GXYLT1: variants seen among roughly 807,000 people sequenced by gnomAD.
GXYLT1 encodes the protein glucoside xylosyltransferase 1, also known as glycosyltransferase 8 domain containing 3.
In GXYLT1, 29 loss-of-function variants were observed where a neutral mutation model predicts 54.0. That is an observed-to-expected ratio of 0.54 (90% CI 0.40 to 0.73). The LOEUF (loss-of-function observed/expected upper bound fraction) is 0.73. GXYLT1 is among the 30% of genes least tolerant of loss of function. The probability of loss-of-function intolerance (pLI) is 0.00; values close to 1 mark genes in which losing one functional copy is unlikely to be tolerated. For missense variants in GXYLT1, 490 were observed against 553.4 expected, an observed-to-expected ratio of 0.89 and a Z score of 1.15; for synonymous variants, 176 against 204.1, an observed-to-expected ratio of 0.86 and a Z score of 1.17.
chr12:42,141,929 T>C (rs1473153441), intron 1 of GXYLT1, among the ~76,000 whole-genome samples: 1 of 152,210 alleles, frequency 6.6e-6, no homozygotes, highest in Admixed American at 6.5e-5. Flanking sequence ...CTTCAAGGAC[T>C]CCAAGTCTTT....
rs1345208493 is a variant in GXYLT1 at position 42,086,016 on chromosome 12, T to A, written c.*1770A>T. The stretch of plus-strand genomic sequence containing the variant: ...CTCCTAGACACAGCATGCCAGAGTC[T>A]CCAAAGGCCTAGCTCAGGAATCTAT... On this transcript the variant is annotated 3_prime_UTR_variant, in exon 8 of 8. Transcript: ENST00000398675. 6.6e-6 allele frequency: 1 copy of A among 151,530 alleles called. No homozygotes were observed. Among genetic ancestry groups the A allele is most frequent in the South Asian group, 2.1e-4 (1 of 4,782 alleles). 9.4% of individuals were successfully genotyped at this position (151,530 alleles called of 1,614,324 possible). A position where few individuals can be genotyped will look rare whatever the true frequency, so the allele number is the denominator to read the frequency against.
At chr12:42,114,063 C>A (rs1047494243) in intron 3 of GXYLT1, among the ~76,000 whole-genome samples, 1 of 152,146 alleles carries the variant, frequency 6.6e-6, no homozygotes, top group Admixed American at 6.6e-5. Flanking sequence ...CAGAAATAAA[C>A]ATGTTCTTTG....
At chr12:42,114,212 T>A (rs930016215) in intron 3 of GXYLT1, among the ~76,000 whole-genome samples, 3 of 151,878 alleles carry the variant, frequency 2.0e-5, no homozygotes, top group Non-Finnish European at 4.4e-5. Flanking sequence ...ACATCACAAT[T>A]AAAAGAGCTA....
chr12:42,107,421 T>C (rs2065427529), intron 4 of GXYLT1, among the ~76,000 whole-genome samples: 1 of 152,220 alleles, frequency 6.6e-6, no homozygotes, highest in East Asian at 1.9e-4. Context: ...CCAGGCATGG[T>C]GGCTCACGCC....
intron 3 of GXYLT1, among the ~76,000 whole-genome samples, chr12:42,117,723 T>C (rs970340187): frequency 1.3e-5 from 2 of 152,230 alleles, no homozygotes; most frequent in African/African-American, 4.8e-5. Context: ...AGTTTTCTTT[T>C]TCTTATATGT....
At chr12:42,102,082 A>C (rs1260310738) in intron 5 of GXYLT1, among the ~76,000 whole-genome samples, 1 of 152,240 alleles carries the variant, frequency 6.6e-6, no homozygotes, top group African/African-American at 2.4e-5. Flanking sequence ...AAAATTTAGC[A>C]AACCTATGAC....
At chr12:42,117,248 T>C (rs942705796) in intron 3 of GXYLT1, among the ~76,000 whole-genome samples, 1 of 151,848 alleles carries the variant, frequency 6.6e-6, no homozygotes, top group African/African-American at 2.4e-5. Flanking sequence ...CTGCACATCA[T>C]GCACATGTAC....
At position 42,144,696 on chromosome 12, in the gene GXYLT1, G is replaced by A. The variant is rs777934965; in HGVS notation, c.-50C>T. ...CCGCCGCCGCCGCGCCCGCCCCGAC[G>A]AACTGGAGCGGAGGGAGGGGCACCG... On this transcript the variant is annotated 5_prime_UTR_variant, in exon 1 of 8. Coordinates refer to ENST00000398675, the MANE Select transcript of GXYLT1 (RefSeq NM_173601.2). 2 of 1,165,950 alleles carry A rather than the reference G, an allele frequency of 1.7e-6. No individual in the cohort carries two copies. Among genetic ancestry groups the A allele is most frequent in the Non-Finnish European group, 2.3e-6 (2 of 870,336 alleles). 72.2% of individuals were successfully genotyped at this position (1,165,950 alleles called of 1,614,324 possible).
At chr12:42,097,224 A>C (rs1737178109) in intron 7 of GXYLT1, among the ~76,000 whole-genome samples, 1 of 152,120 alleles carries the variant, frequency 6.6e-6, no homozygotes, top group Non-Finnish European at 1.5e-5. Flanking sequence ...TGCAACTTAC[A>C]ATCAAATTTA....
In GXYLT1 at chr12:42,102,022, C is replaced by T. The variant is rs118076638; in HGVS notation, c.864+3796G>A. On this transcript the variant is annotated intron_variant, in intron 5 of 7. Coordinates refer to ENST00000398675, the MANE Select transcript of GXYLT1 (RefSeq NM_173601.2). ...TTACTTTTTTGAATCTTTATAAGCA[C>T]AATTTAGTTTCATAACATTTAAAAC... 9.7e-3 allele frequency among the ~76,000 whole-genome samples: 1,474 copies of T among 152,276 alleles called. 7 individuals carry two copies. Among genetic ancestry groups the T allele is most frequent in the Non-Finnish European group, 0.015 (987 of 68,008 alleles).
rs555254165 is a variant in GXYLT1 at position 42,087,931 on chromosome 12, T to A, written c.1178A>T (p.Asp393Val). ...EALRNCSFED[D>V]NIRSLLKPLE... ...AGGTTTTAATAAGGAACGGATGTTG[T>A]CATCTTCAAAAGAACACTAGAGAAA... The change falls in exon 8 of 8, where the codon GAC becomes GTC. Residue 393 changes from aspartate (D) to valine (V), a missense_variant. This residue lies in a region of GXYLT1 where 342 missense variants were observed against 342.6 expected (regional missense o/e 1.00). Coordinates refer to ENST00000398675, the MANE Select transcript of GXYLT1 (RefSeq NM_173601.2). The A allele has an allele frequency of 1.3e-6, 2 of 1,534,858 alleles. No homozygotes were observed. Among genetic ancestry groups the A allele is most frequent in the East Asian group, 2.3e-5 (1 of 42,962 alleles).
In GXYLT1 at chr12:42,087,911, T is replaced by G; in HGVS notation, c.1198A>C (p.Lys400Gln). The change falls in exon 8 of 8, where the codon AAA becomes CAA. Residue 400 changes from lysine (K) to glutamine (Q), a missense_variant. Physicochemically the swap from Lys to Gln is moderately conservative, Grantham distance 53. Coordinates refer to ENST00000398675, the MANE Select transcript of GXYLT1 (RefSeq NM_173601.2). ...TTTTGTAGTTCCAGTTCTAAAGGTTTTAATAAGGAACGGATGTTGTCATCT... is the reference window on the plus strand; with the variant it reads ...TTTTGTAGTTCCAGTTCTAAAGGTTGTAATAAGGAACGGATGTTGTCATCT... ...FEDDNIRSLLKPLELELQKTV... is the reference protein window; with the variant it reads ...FEDDNIRSLLQPLELELQKTV... The G allele has an allele frequency of 6.3e-7, 1 of 1,582,138 alleles. No homozygotes were observed. The highest frequency in any genetic ancestry group is 8.6e-7 in the Non-Finnish European group (1 of 1,162,818).
At chr12:42,111,914 A>T (rs10785327) in intron 3 of GXYLT1, among the ~76,000 whole-genome samples, 1 of 152,024 alleles carries the variant, frequency 6.6e-6, no homozygotes, top group Non-Finnish European at 1.5e-5. Flanking sequence ...CACCTCACAC[A>T]GCCAGGTACT....
intron 1 of GXYLT1, among the ~76,000 whole-genome samples, chr12:42,132,732 C>A (rs369190613): frequency 2.0e-5 from 3 of 152,070 alleles, no homozygotes; most frequent in East Asian, 3.8e-4. Flanking sequence ...ACTCAAAAGA[C>A]CCTCTTGCAG....
chr12:42,083,505 A>C lies in GXYLT1; in HGVS notation c.*4281T>G, dbSNP rs949541407. The C allele has an allele frequency of 1.3e-5, 2 of 152,242 alleles. No homozygotes were observed. Among genetic ancestry groups the C allele is most frequent in the African/African-American group, 4.8e-5 (2 of 41,466 alleles). The allele number at this position is 152,242 out of a possible 1,614,324, so 9.4% of individuals were successfully genotyped here. A position where few individuals can be genotyped will look rare whatever the true frequency, so the allele number is the denominator to read the frequency against. ...CCTACTTTTCTTCTCTACTCTAAGG[A>C]ACCAAAAAAATTATTTTAAAAAACA... On this transcript the variant is annotated 3_prime_UTR_variant, in exon 8 of 8. Transcript: ENST00000398675.
At chr12:42,092,203 T>C (rs1271904619) in intron 7 of GXYLT1, among the ~76,000 whole-genome samples, 2 of 152,146 alleles carry the variant, frequency 1.3e-5, no homozygotes, top group African/African-American at 4.8e-5. Flanking sequence ...TAACAAATAA[T>C]GAGAACTTAG....
At chr12:42,114,037 A>G (rs536731112) in intron 3 of GXYLT1, among the ~76,000 whole-genome samples, 36 of 152,370 alleles carry the variant, frequency 2.4e-4, no homozygotes, top group African/African-American at 7.7e-4. Flanking sequence ...CTACTAGGTA[A>G]ATAATGAAAT....
At chr12:42,099,838 GA>G (rs2065379370) in intron 5 of GXYLT1, among the ~76,000 whole-genome samples, 1 of 152,132 alleles carries the variant, frequency 6.6e-6, no homozygotes, top group South Asian at 2.1e-4. Flanking sequence ...GTAACAGAAT[GA>G]GACCCTGTCT....
intron 4 of GXYLT1, among the ~76,000 whole-genome samples, chr12:42,109,222 T>C (rs1042544376): frequency 5.9e-5 from 9 of 152,300 alleles, no homozygotes; most frequent in African/African-American, 2.2e-4. Flanking sequence ...TTGAAGGTGA[T>C]AACGCCACCG....
Sources: gnomAD v4.1 joint callset for allele counts (sites outside exome capture counted in the v4.1 genomes callset) on GRCh38, gnomAD v4.1.1 for gene constraint, gnomAD v4.1.1 regional missense constraint, MANE v1.5 for transcripts, NCBI Gene and HGNC (gene_info 2026-07-23, HGNC 2026-07-21) for gene names.